The following RPS6KC1 variants were observed in gnomAD, a reference collection of about 807,000 sequenced individuals.
RPS6KC1 encodes inactive ribosomal protein S6 kinase delta-1.
Under a neutral mutation model 103.8 loss-of-function variants are expected in RPS6KC1, and 54 were observed. The ratio of observed to expected loss-of-function variants is 0.52; its 90% CI spans 0.42 to 0.65. The LOEUF (loss-of-function observed/expected upper bound fraction) is 0.65, where lower values mean the gene tolerates loss of function less well. RPS6KC1 is among the 30% of genes least tolerant of loss of function. RPS6KC1 has a pLI of 0.00. For missense variants in RPS6KC1, 1,151 were observed against 1,253.8 expected (o/e 0.92, Z 1.24); for synonymous variants, 439 against 438.7 (o/e 1.00, Z -0.01).
At chr1:213,412,336 A>T in the RPS6KC1 span, among the ~76,000 whole-genome samples, 1 of 152,230 alleles carries the variant, frequency 6.6e-6, no homozygotes, top group South Asian at 2.1e-4. Context: ...AGAAAAGGAG[A>T]GAGGGAGAAG....
intron 3 of RPS6KC1, among the ~76,000 whole-genome samples, chr1:213,092,901 A>C (rs1038211919): frequency 6.6e-6 from 1 of 152,186 alleles, no homozygotes; most frequent in East Asian, 1.9e-4. Context: ...GGAATTTAAC[A>C]CATTTATCTT....
the RPS6KC1 span, among the ~76,000 whole-genome samples, chr1:213,825,578 A>G: frequency 4.6e-5 from 7 of 152,196 alleles, no homozygotes; most frequent in Middle Eastern, 0.014. Flanking sequence ...TGCCCAGGTT[A>G]GAGTGACTCA....
the RPS6KC1 span, among the ~76,000 whole-genome samples, chr1:213,804,185 A>C: frequency 2.0e-5 from 3 of 149,862 alleles, no homozygotes; most frequent in African/African-American, 7.3e-5. Context: ...AAAAAAAAAA[A>C]AAAAAAAAAA....
Position 213,116,076 on chromosome 1 carries a change from G to A in RPS6KC1, c.379-1241G>A, listed in dbSNP as rs374325818. On this transcript the variant is annotated intron_variant, in intron 4 of 14. Coordinates refer to ENST00000366960, the MANE Select transcript of RPS6KC1 (RefSeq NM_012424.6). ...TGTAGATATCTATTAGGTCCGCTTG[G>A]TGCAGAGCTGAGTTCAATTCCTGGG... is the stretch of plus-strand genomic sequence containing the variant. Among the ~76,000 whole-genome samples the A allele has an allele frequency of 2.6e-4, 39 of 151,938 alleles. No individual in the cohort carries two copies. In the East Asian group the frequency reaches 2.9e-3, roughly 11 times the overall value.
the RPS6KC1 span, among the ~76,000 whole-genome samples, chr1:213,859,058 G>T: frequency 6.6e-6 from 1 of 152,312 alleles, no homozygotes; most frequent in East Asian, 1.9e-4. Flanking sequence ...GCAATGAGAA[G>T]ATGACCATGT....
intron 1 of RPS6KC1, among the ~76,000 whole-genome samples, chr1:213,055,657 C>A (rs1262367318): frequency 6.6e-6 from 1 of 152,058 alleles, no homozygotes; most frequent in African/African-American, 2.4e-5. Context: ...CAAAATTGTT[C>A]TGGCTATTCT....
At chr1:213,627,932 C>T in the RPS6KC1 span, among the ~76,000 whole-genome samples, 1 of 152,126 alleles carries the variant, frequency 6.6e-6, no homozygotes, top group Non-Finnish European at 1.5e-5. Context: ...ATAATGTTGG[C>T]CTCATAAAAT....
intron 3 of RPS6KC1, among the ~76,000 whole-genome samples, chr1:213,103,143 T>C (rs1314936608): frequency 1.3e-5 from 2 of 149,864 alleles, no homozygotes; most frequent in Admixed American, 1.3e-4. Context: ...GAGGCTGCAG[T>C]GAGGTTTTGA....
the RPS6KC1 span, among the ~76,000 whole-genome samples, chr1:213,503,698 T>G: frequency 6.6e-6 from 1 of 152,090 alleles, no homozygotes; most frequent in Non-Finnish European, 1.5e-5. Context: ...AAAACAAGAA[T>G]CTTCATGCAA....
At chr1:213,332,752 C>G in the RPS6KC1 span, among the ~76,000 whole-genome samples, 2 of 152,198 alleles carry the variant, frequency 1.3e-5, no homozygotes, top group Non-Finnish European at 2.9e-5. Flanking sequence ...AGGCCGACCT[C>G]AGATGGTGCT....
chr1:213,205,182 G>C (rs1285336917), intron 8 of RPS6KC1: 1 of 909,932 alleles, frequency 1.1e-6, no homozygotes, highest in Admixed American at 6.2e-5. Flanking sequence ...ATCACCAAAA[G>C]AAAGTTGCTA....
intron 9 of RPS6KC1, 37 bp from the exon 10 acceptor site, chr1:213,232,077 TGAGGATGCA>T (rs1181701176): frequency 1.3e-5 from 2 of 159,354 alleles, no homozygotes; most frequent in South Asian, 2.1e-4. Context: ...CAAAGGCAAC[TGAGGATGCA>T]ACTGAGGATA....
intron 3 of RPS6KC1, among the ~76,000 whole-genome samples, chr1:213,086,499 C>G (rs2080415749): frequency 6.6e-6 from 1 of 152,228 alleles, no homozygotes; most frequent in South Asian, 2.1e-4. Context: ...AAGGAGGCAC[C>G]TCTTTCAGGT....
At chr1:213,206,275 G>A (rs967303912) in intron 8 of RPS6KC1, among the ~76,000 whole-genome samples, 2 of 152,160 alleles carry the variant, frequency 1.3e-5, no homozygotes, top group South Asian at 2.1e-4. Flanking sequence ...ATTAGAAAGG[G>A]CTTTAAGGTT....
At chr1:213,717,469 G>A in the RPS6KC1 span, among the ~76,000 whole-genome samples, 1 of 152,220 alleles carries the variant, frequency 6.6e-6, no homozygotes, top group Non-Finnish European at 1.5e-5. Flanking sequence ...CTGAGCTGAT[G>A]GATTGGAAAG....
the RPS6KC1 span, among the ~76,000 whole-genome samples, chr1:213,583,067 G>C: frequency 6.6e-6 from 1 of 152,176 alleles, no homozygotes; most frequent in Non-Finnish European, 1.5e-5. Flanking sequence ...TTTTGAGATT[G>C]GTCCTTGCCG....
the RPS6KC1 span, among the ~76,000 whole-genome samples, chr1:213,649,123 T>G: frequency 4.6e-5 from 7 of 152,054 alleles, no homozygotes; most frequent in African/African-American, 1.7e-4. Context: ...CCTGGGCTCT[T>G]GCTCCCATCC....
At chr1:213,852,560 T>C in the RPS6KC1 span, among the ~76,000 whole-genome samples, 1 of 152,244 alleles carries the variant, frequency 6.6e-6, no homozygotes, top group Non-Finnish European at 1.5e-5. Context: ...TTTTCGGATC[T>C]GTTTGTCTCC....
the RPS6KC1 span, among the ~76,000 whole-genome samples, chr1:213,297,919 A>G: frequency 6.6e-6 from 1 of 152,172 alleles, no homozygotes; most frequent in Non-Finnish European, 1.5e-5. Flanking sequence ...GCAGGGCCCT[A>G]AGGTTTGGTT....
Sources: allele counts gnomAD v4.1 joint callset (sites outside exome capture counted in the v4.1 genomes callset), GRCh38; gene constraint gnomAD v4.1.1; transcripts MANE v1.5; gene names NCBI Gene and HGNC (gene_info 2026-07-23, HGNC 2026-07-21).